Variants in NELL1 observed in about 807,000 individuals in gnomAD.
NELL1 encodes neural EGFL like 1.
NELL1 carries 76 observed loss-of-function variants against 107.4 expected under a neutral mutation model. That is an observed-to-expected ratio of 0.71 (90% confidence interval 0.59 to 0.86). The LOEUF (loss-of-function observed/expected upper bound fraction) is 0.86, where lower values mean the gene tolerates loss of function less well. Among genes scored for constraint, NELL1 ranks in the 40% least tolerant of loss-of-function variants. The pLI is 0.00. For synonymous variants in NELL1, 353 were observed against 341.2 expected (o/e 1.03, Z -0.38); for missense variants, 1,024 against 1,005.5 (o/e 1.02, Z -0.25).
At chr11:21,136,696 C>T (rs1190406115) in intron 13 of NELL1, among the ~76,000 whole-genome samples, 2 of 151,996 alleles carry the variant, frequency 1.3e-5, no homozygotes, top group Non-Finnish European at 2.9e-5. Context: ...AGGAACAGTC[C>T]CCTGTGGTTT....
chr11:21,455,738 T>C (rs576441613), intron 15 of NELL1, among the ~76,000 whole-genome samples: 2 of 152,280 alleles, frequency 1.3e-5, no homozygotes, highest in East Asian at 3.9e-4. Context: ...TTGTTGAGTT[T>C]CTTAGGTATA....
chr11:20,994,198 C>T (rs1852040753), intron 12 of NELL1, among the ~76,000 whole-genome samples: 1 of 152,212 alleles, frequency 6.6e-6, no homozygotes, highest in South Asian at 2.1e-4. Context: ...AAAACACATA[C>T]ACCTATTTCC....
rs1855730019 is a variant in NELL1 at position 20,735,044 on chromosome 11, G to T, written c.185-48636G>T. ...GAGAGGAGGCCTAGACTGATCCCGG[G>T]ATCTCTAGCAATTAGTATTAGGAAG... On this transcript the variant is annotated intron_variant, in intron 2 of 19. Coordinates refer to ENST00000357134, the MANE Select transcript of NELL1 (RefSeq NM_006157.5). Among the ~76,000 whole-genome samples the T allele has an allele frequency of 2.6e-5, 4 of 152,250 alleles. No homozygotes were observed. The South Asian group carries it at 8.3e-4, about 32-fold the overall frequency.
At chr11:21,555,150 G>A (rs74509076) in intron 16 of NELL1, among the ~76,000 whole-genome samples, 3,099 of 151,970 alleles carry the variant, frequency 0.02, 112 homozygotes, top group African/African-American at 0.071. Context: ...ATGGCATAGA[G>A]TAGATGTTAA....
At chr11:21,167,281 G>A (rs1472963069) in intron 13 of NELL1, among the ~76,000 whole-genome samples, 1 of 151,832 alleles carries the variant, frequency 6.6e-6, no homozygotes, top group African/African-American at 2.4e-5. Context: ...TAAGAGACAA[G>A]AGAGACTCTT....
intron 5 of NELL1, among the ~76,000 whole-genome samples, chr11:20,913,455 G>A (rs1850177279): frequency 6.6e-6 from 1 of 151,988 alleles, no homozygotes; most frequent in South Asian, 2.1e-4. Flanking sequence ...TACACAAGAG[G>A]GACCTAATTG....
intron 12 of NELL1, among the ~76,000 whole-genome samples, chr11:20,968,682 A>C (rs1345083391): frequency 6.6e-5 from 10 of 152,190 alleles, no homozygotes; most frequent in African/African-American, 2.2e-4. Context: ...TGTTTATAGA[A>C]AATTGGTTTT....
At chr11:21,492,538 C>T (rs1457093232) in intron 15 of NELL1, among the ~76,000 whole-genome samples, 1 of 151,758 alleles carries the variant, frequency 6.6e-6, no homozygotes, top group African/African-American at 2.4e-5. Context: ...AAATGTGGCA[C>T]ATATACACCA....
intron 14 of NELL1, among the ~76,000 whole-genome samples, chr11:21,326,076 TTTTTTG>T (rs377270460): frequency 0.26 from 27,081 of 103,430 alleles, 4,252 homozygotes; most frequent in Admixed American, 0.38. Context: ...TTTTTTTTTT[TTTTTTG>T]GGCTATTTTG....
chr11:21,019,465 T>G (rs987058553), intron 12 of NELL1, among the ~76,000 whole-genome samples: 2 of 152,100 alleles, frequency 1.3e-5, no homozygotes, highest in South Asian at 4.1e-4. Flanking sequence ...CATTCTGCAC[T>G]CTGCGAGGCA....
intron 2 of NELL1, among the ~76,000 whole-genome samples, chr11:20,690,662 A>T (rs1302375647): frequency 6.6e-6 from 1 of 151,810 alleles, no homozygotes; most frequent in Non-Finnish European, 1.5e-5. Flanking sequence ...TGGTACCAGT[A>T]CCATGCTGTT....
chr11:20,710,638 G>C (rs1855088869), intron 2 of NELL1, among the ~76,000 whole-genome samples: 1 of 152,096 alleles, frequency 6.6e-6, no homozygotes, highest in Non-Finnish European at 1.5e-5. Flanking sequence ...ATGTTTGATA[G>C]AGTTTAGCTG....
At chr11:21,211,462 T>A (rs1857495772) in intron 13 of NELL1, among the ~76,000 whole-genome samples, 1 of 152,182 alleles carries the variant, frequency 6.6e-6, no homozygotes, top group African/African-American at 2.4e-5. Context: ...TAATAATGTT[T>A]GTCTGCATTT....
chr11:21,491,601 C>T (rs890699533), intron 15 of NELL1, among the ~76,000 whole-genome samples: 1 of 152,110 alleles, frequency 6.6e-6, no homozygotes, highest in Non-Finnish European at 1.5e-5. Flanking sequence ...GTTACTGTAG[C>T]TTTGTAGTAT....
intron 2 of NELL1, among the ~76,000 whole-genome samples, chr11:20,723,577 CAG>C (rs1855441591): frequency 1.3e-5 from 2 of 152,158 alleles, no homozygotes; most frequent in Non-Finnish European, 2.9e-5. Flanking sequence ...CTGGAGGGTA[CAG>C]CCCCCAGAGC....
chr11:20,721,156 A>G (rs1274481595), intron 2 of NELL1, among the ~76,000 whole-genome samples: 1 of 130,178 alleles, frequency 7.7e-6, no homozygotes, highest in African/African-American at 3.8e-5. Flanking sequence ...TCCAGAAACC[A>G]ATGAGATATA....
intron 12 of NELL1, among the ~76,000 whole-genome samples, chr11:21,089,384 G>T (rs914891016): frequency 6.6e-6 from 1 of 152,158 alleles, no homozygotes; most frequent in Non-Finnish European, 1.5e-5. Context: ...TTATCAATTA[G>T]ATTAGAAGGA....
intron 9 of NELL1, among the ~76,000 whole-genome samples, 185 bp from the exon 10 acceptor site, chr11:20,937,601 A>T (rs963732308): frequency 6.6e-6 from 1 of 152,234 alleles, no homozygotes; most frequent in Non-Finnish European, 1.5e-5. Context: ...AATCATGATG[A>T]GGTCTGCCTG....
At chr11:20,834,882 C>A (rs929482719) in intron 3 of NELL1, among the ~76,000 whole-genome samples, 3 of 152,070 alleles carry the variant, frequency 2.0e-5, no homozygotes, top group African/African-American at 7.2e-5. Context: ...ACATTACCTG[C>A]CTATCAGTCC....
Sources: gnomAD v4.1 joint callset for allele counts (sites outside exome capture counted in the v4.1 genomes callset) on GRCh38, gnomAD v4.1.1 for gene constraint, MANE v1.5 for transcripts, NCBI Gene and HGNC (gene_info 2026-07-23, HGNC 2026-07-21) for gene names.